Variants in ROBO2 observed in about 807,000 individuals in gnomAD.
ROBO2 encodes the protein roundabout homolog 2.
ROBO2 carries 53 observed loss-of-function variants against 160.8 expected under a neutral mutation model. That is an observed-to-expected ratio of 0.33 (90% CI 0.26 to 0.41). The LOEUF (loss-of-function observed/expected upper bound fraction) is 0.41, where lower values mean the gene tolerates loss of function less well. ROBO2 is among the 10% of genes least tolerant of loss of function. The pLI is 1.00. For synonymous variants in ROBO2, 664 were observed against 611.7 expected (o/e 1.09, Z -1.26); for missense variants, 1,577 against 1,722.4 (o/e 0.92, Z 1.49).
chr3:77,131,830 C>G (rs1482730729), intron 2 of ROBO2, among the ~76,000 whole-genome samples: 1 of 151,938 alleles, frequency 6.6e-6, no homozygotes, highest in Non-Finnish European at 1.5e-5. Context: ...TTTTGTTTAT[C>G]AGATTTGACA....
At chr3:75,983,870 A>C (rs561428435) in intron 2 of ROBO2, among the ~76,000 whole-genome samples, 1 of 151,646 alleles carries the variant, frequency 6.6e-6, no homozygotes, top group East Asian at 1.9e-4. Flanking sequence ...CAGACATTTA[A>C]TTACTTATTA....
chr3:77,400,482 A>G (rs2075692879), intron 2 of ROBO2, among the ~76,000 whole-genome samples: 1 of 152,210 alleles, frequency 6.6e-6, no homozygotes, highest in African/African-American at 2.4e-5. Flanking sequence ...TAGTTCTAAG[A>G]AGGAGCCAGT....
intron 2 of ROBO2, among the ~76,000 whole-genome samples, chr3:77,362,094 T>A (rs1287081399): frequency 6.6e-6 from 1 of 152,116 alleles, no homozygotes; most frequent in Non-Finnish European, 1.5e-5. Flanking sequence ...TATAGGGGAA[T>A]GTGTTGGAAA....
At chr3:76,795,539 C>T (rs1042455045) in intron 2 of ROBO2, among the ~76,000 whole-genome samples, 1 of 152,142 alleles carries the variant, frequency 6.6e-6, no homozygotes, top group African/African-American at 2.4e-5. Flanking sequence ...GAAACAACTT[C>T]TCATTCATTA....
chr3:77,235,002 G>A (rs1392615410), intron 2 of ROBO2, among the ~76,000 whole-genome samples: 1 of 152,130 alleles, frequency 6.6e-6, no homozygotes. Flanking sequence ...GTACAAAAGT[G>A]AAGCAGTTTT....
chr3:76,686,460 A>G (rs767014415), intron 2 of ROBO2, among the ~76,000 whole-genome samples: 4 of 148,702 alleles, frequency 2.7e-5, no homozygotes, highest in Non-Finnish European at 5.9e-5. Flanking sequence ...TTTCCTGCTC[A>G]TGGTTCCTGC....
chr3:76,892,253 GAACT>G (rs1403876467), intron 2 of ROBO2, among the ~76,000 whole-genome samples: 1 of 150,404 alleles, frequency 6.6e-6, no homozygotes, highest in African/African-American at 2.5e-5. Flanking sequence ...ACTGCACACA[GAACT>G]AACTGCCTAG....
chr3:77,067,028 T>TCTCACACA (rs1553754384), intron 1 of ROBO2, among the ~76,000 whole-genome samples: 1 of 136,840 alleles, frequency 7.3e-6, no homozygotes, highest in African/African-American at 2.6e-5. Context: ...ACACACACAC[T>TCTCACACA]CACACACACA....
intron 2 of ROBO2, among the ~76,000 whole-genome samples, chr3:76,995,111 C>CA (rs1201776263): frequency 6.7e-6 from 1 of 149,544 alleles, no homozygotes; most frequent in Non-Finnish European, 1.5e-5. Context: ...ACCCCCCACC[C>CA]CCAACAGGCC....
chr3:76,738,574 T>C (rs1450549355), intron 2 of ROBO2, among the ~76,000 whole-genome samples: 1 of 152,134 alleles, frequency 6.6e-6, no homozygotes, highest in Non-Finnish European at 1.5e-5. Context: ...AGATACCAAT[T>C]CTGCCCCCAG....
At chr3:76,811,838 TTTCCTTCCTTCCTTCCTTCC>T (rs59218956) in intron 2 of ROBO2, among the ~76,000 whole-genome samples, 1 of 33,442 alleles carries the variant, frequency 3.0e-5, no homozygotes, top group African/African-American at 1.3e-4. Context: ...TCCTTCCTTC[TTTCCTTCCTTCCTTCCTTCC>T]TTCCTTCCTT....
chr3:76,368,880 C>G (rs1450324207), intron 2 of ROBO2, among the ~76,000 whole-genome samples: 3 of 151,964 alleles, frequency 2.0e-5, no homozygotes, highest in Non-Finnish European at 4.4e-5. Flanking sequence ...AAAACATCCT[C>G]TCTCTTTGAC....
intron 24 of ROBO2, among the ~76,000 whole-genome samples, chr3:77,641,396 G>T (rs1006722027): frequency 6.6e-6 from 1 of 152,142 alleles, no homozygotes; most frequent in African/African-American, 2.4e-5. Flanking sequence ...GAGTATAAAG[G>T]TTCTTGAAGT....
chr3:77,250,780 G>C (rs2090253741), intron 2 of ROBO2, among the ~76,000 whole-genome samples: 1 of 152,106 alleles, frequency 6.6e-6, no homozygotes, highest in South Asian at 2.1e-4. Context: ...ATGAGAGATG[G>C]AGGGTAAGGG....
chr3:77,362,902 C>G (rs952786601), intron 2 of ROBO2, among the ~76,000 whole-genome samples: 1 of 152,062 alleles, frequency 6.6e-6, no homozygotes, highest in African/African-American at 2.4e-5. Context: ...TATTCATTAT[C>G]AGGAGAACAG....
chr3:77,606,802 A>G (rs1185245599), intron 20 of ROBO2, among the ~76,000 whole-genome samples: 2 of 152,178 alleles, frequency 1.3e-5, no homozygotes, highest in Non-Finnish European at 2.9e-5. Context: ...TTCCAGAAAG[A>G]TGAAGTCGAA....
At chr3:77,255,961 T>A (rs1310758738) in intron 2 of ROBO2, among the ~76,000 whole-genome samples, 1 of 152,192 alleles carries the variant, frequency 6.6e-6, no homozygotes, top group East Asian at 1.9e-4. Context: ...TTACTTCCGC[T>A]TATACACCAG....
At chr3:76,819,247 T>C (rs1185087564) in intron 2 of ROBO2, among the ~76,000 whole-genome samples, 1 of 152,036 alleles carries the variant, frequency 6.6e-6, no homozygotes, top group Non-Finnish European at 1.5e-5. Context: ...CCAAACGATA[T>C]TTAACTTGAG....
At chr3:76,244,981 AAT>A (rs1477972053) in intron 2 of ROBO2, among the ~76,000 whole-genome samples, 1 of 152,170 alleles carries the variant, frequency 6.6e-6, no homozygotes, top group East Asian at 1.9e-4. Context: ...AACAAAATAG[AAT>A]ATGTTTTGAA....
Sources: gnomAD v4.1 joint callset for allele counts (sites outside exome capture counted in the v4.1 genomes callset) on GRCh38, gnomAD v4.1.1 for gene constraint, MANE v1.5 for transcripts, NCBI Gene and HGNC (gene_info 2026-07-23, HGNC 2026-07-21) for gene names.